TTC6: variants seen among roughly 807,000 people sequenced by gnomAD.
TTC6 encodes tetratricopeptide repeat domain 6.
A neutral mutation model predicts 210.4 loss-of-function variants in TTC6; 172 were observed. The observed-to-expected ratio is 0.82, with a 90% confidence interval of 0.72 to 0.93. The LOEUF is 0.93. Ranked by LOEUF, TTC6 falls within the 40% of genes least tolerant of loss-of-function variation. The pLI, the probability that TTC6 is intolerant of heterozygous loss-of-function variation, is 0.00. For synonymous variants in TTC6, 804 were observed against 819.6 expected, an observed-to-expected ratio of 0.98 and a Z score of 0.32; for missense variants, 2,414 against 2,318.1, an observed-to-expected ratio of 1.04 and a Z score of -0.85.
At chr14:37,769,721 C>CT (rs2096011796) in intron 14 of TTC6, among the ~76,000 whole-genome samples, 1 of 150,340 alleles carries the variant, frequency 6.7e-6, no homozygotes, top group African/African-American at 2.4e-5. Context: ...TGCTAGTAGT[C>CT]TATCAATTTT....
At chr14:37,657,456 C>T (rs1288134612) in intron 1 of TTC6, among the ~76,000 whole-genome samples, 2 of 151,702 alleles carry the variant, frequency 1.3e-5, no homozygotes, top group Non-Finnish European at 1.5e-5. Flanking sequence ...GAAGTGAATT[C>T]CTGAGTGGGA....
At chr14:37,644,514 G>A (rs1360661915) in intron 1 of TTC6, among the ~76,000 whole-genome samples, 2 of 152,166 alleles carry the variant, frequency 1.3e-5, no homozygotes, top group Non-Finnish European at 2.9e-5. Flanking sequence ...ATAACATCCA[G>A]CTACAAAAGA....
chr14:37,627,351 T>G (rs1322168641), intron 1 of TTC6, among the ~76,000 whole-genome samples: 1 of 152,154 alleles, frequency 6.6e-6, no homozygotes, highest in African/African-American at 2.4e-5. Context: ...CTGGGATACA[T>G]GTGCAGGTTT....
At chr14:37,785,193 C>G (rs891617328) in intron 14 of TTC6, among the ~76,000 whole-genome samples, 1 of 152,258 alleles carries the variant, frequency 6.6e-6, no homozygotes, top group East Asian at 1.9e-4. Flanking sequence ...GGGAAGTTCT[C>G]CTGGATAATA....
intron 14 of TTC6, among the ~76,000 whole-genome samples, chr14:37,779,213 A>C (rs1261800774): frequency 6.6e-6 from 1 of 152,116 alleles, no homozygotes; most frequent in Non-Finnish European, 1.5e-5. Flanking sequence ...AGGGTTCCCA[A>C]GTTCCTCCCC....
At chr14:37,834,724 G>C (rs1297596527) in intron 29 of TTC6, among the ~76,000 whole-genome samples, 2 of 152,174 alleles carry the variant, frequency 1.3e-5, no homozygotes, top group African/African-American at 4.8e-5. Context: ...CACTCCTTTT[G>C]AGGTGTATTT....
chr14:37,765,965 C>G (rs745856368), intron 14 of TTC6, among the ~76,000 whole-genome samples: 1 of 152,038 alleles, frequency 6.6e-6, no homozygotes, highest in Non-Finnish European at 1.5e-5. Context: ...TTTCAATATT[C>G]TCTCCCACAC....
At position 37,817,513 on chromosome 14, in the gene TTC6, G is replaced by A. The variant is rs1595307525; in HGVS notation, c.4690-65G>A. On this transcript the variant is annotated intron_variant, in intron 25 of 30. Coordinates refer to ENST00000553443, the Ensembl canonical transcript of TTC6. Reference sequence around the variant, plus strand: ...TGTCATTGTGGAATCACAGTTAGAAGGAAGTTTAAGATAGCACATAAAATA... The same window carrying A: ...TGTCATTGTGGAATCACAGTTAGAAAGAAGTTTAAGATAGCACATAAAATA... 2.8e-6 allele frequency: 4 copies of A among 1,410,062 alleles called. No homozygotes were observed. In the Admixed American group the frequency reaches 7.0e-5, roughly 25 times the overall value. The allele number at this position is 1,410,062 out of a possible 1,614,324, so 87.3% of individuals were successfully genotyped here.
At chr14:37,819,246 T>C (rs559982679) in intron 26 of TTC6, among the ~76,000 whole-genome samples, 1 of 152,292 alleles carries the variant, frequency 6.6e-6, no homozygotes, top group East Asian at 1.9e-4. Context: ...TGATTGGTTA[T>C]ATTTATTTCA....
chr14:37,794,725 A>G (rs1279006110), intron 17 of TTC6, among the ~76,000 whole-genome samples: 1 of 151,762 alleles, frequency 6.6e-6, no homozygotes, highest in African/African-American at 2.4e-5. Flanking sequence ...CCTCCTTTGC[A>G]TGCTACTTTA....
At chr14:37,746,162 C>T (rs566040575) in intron 10 of TTC6, among the ~76,000 whole-genome samples, 1 of 152,220 alleles carries the variant, frequency 6.6e-6, no homozygotes, top group Admixed American at 6.5e-5. Flanking sequence ...TTTTACCACT[C>T]CAGGGTTCTA....
rs2095609429 is a variant in TTC6, at chr14:37,598,747, G to C, written c.-235+2739G>C. Reference sequence around the variant, plus strand: ...AGCAGGACCGCAGGGTTGGCAGACAGCAGGGCCTGGGCCGGCGGGGCTCTG... The same window carrying C: ...AGCAGGACCGCAGGGTTGGCAGACACCAGGGCCTGGGCCGGCGGGGCTCTG... On this transcript the variant is annotated intron_variant, in intron 1 of 2. Transcript: ENST00000556845. This position sits in a 1 kb window ranked among gnomAD's most constrained non-coding sequence, Gnocchi z 4.9. Among the ~76,000 whole-genome samples, 1 of 152,182 alleles carries C rather than the reference G, an allele frequency of 6.6e-6. No individual in the cohort carries two copies. Among genetic ancestry groups the C allele is most frequent in the Admixed American group, 6.5e-5 (1 of 15,286 alleles).
intron 10 of TTC6, among the ~76,000 whole-genome samples, chr14:37,745,144 A>G (rs1331472854): frequency 2.6e-5 from 4 of 152,160 alleles, no homozygotes; most frequent in African/African-American, 7.2e-5. Flanking sequence ...CTCCTAAACT[A>G]GGGAAATGGA....
chr14:37,666,317 A>T (rs1045776780), intron 1 of TTC6, among the ~76,000 whole-genome samples: 5 of 149,768 alleles, frequency 3.3e-5, no homozygotes, highest in African/African-American at 1.2e-4. Flanking sequence ...CCTACCATTT[A>T]AAAAAGTTGA....
intron 10 of TTC6, 147 bp downstream of exon 12, chr14:37,739,302 C>A: frequency 5.8e-6 from 5 of 859,318 alleles, no homozygotes; most frequent in Non-Finnish European, 8.2e-6. Flanking sequence ...TCTGGCTGGG[C>A]GCCGTGGCTC....
chr14:37,802,168 T>C (rs2096108148), intron 20 of TTC6: 1 of 152,100 alleles, frequency 6.6e-6, no homozygotes, highest in Non-Finnish European at 1.5e-5. Flanking sequence ...CTGCATGTTA[T>C]AAATGGGAGC....
At position 37,622,555 on chromosome 14, in the gene TTC6, G is replaced by A. The variant is rs570411107; in HGVS notation, c.491G>A (p.Arg164His). ...GAGCCACCCGTGAAGCGCAGAGCGCGCGGGGTCTTGGAGAGCTCGCGGCAC... is the reference window on the plus strand; with the variant it reads ...GAGCCACCCGTGAAGCGCAGAGCGCACGGGGTCTTGGAGAGCTCGCGGCAC... The change falls in exon 1 of 31, where the codon CGC becomes CAC. Residue 164 changes from arginine to histidine, a missense_variant. Coordinates refer to ENST00000553443, the Ensembl canonical transcript of TTC6. 5.7e-4 allele frequency: 874 copies of A among 1,534,902 alleles called. 8 individuals are homozygous for A. The African/African-American group carries it at 9.6e-3, about 17-fold the overall frequency.
chr14:37,725,280 A>T (rs2095869407), intron 7 of TTC6, among the ~76,000 whole-genome samples: 1 of 123,226 alleles, frequency 8.1e-6, no homozygotes, highest in Non-Finnish European at 1.7e-5. Context: ...TATATATATA[A>T]AATTTATATA....
chr14:37,770,797 A>G (rs1452157617), intron 14 of TTC6, among the ~76,000 whole-genome samples: 2 of 147,802 alleles, frequency 1.4e-5, no homozygotes, highest in Non-Finnish European at 3.0e-5. Context: ...CATTTAGTCC[A>G]TTTACATTTA....
Sources: allele counts gnomAD v4.1 joint callset (sites outside exome capture counted in the v4.1 genomes callset), GRCh38; gene constraint gnomAD v4.1.1; non-coding constraint Gnocchi (gnomAD v3.1); transcripts MANE v1.5; gene names NCBI Gene and HGNC (gene_info 2026-07-23, HGNC 2026-07-21).